The following CCDC3 variants were observed in gnomAD, a reference collection of about 807,000 sequenced individuals.
CCDC3 encodes the protein coiled-coil domain-containing protein 3.
A neutral mutation model predicts 21.4 loss-of-function variants in CCDC3; 24 were observed. That is an observed-to-expected ratio of 1.12 (90% CI 0.81 to 1.58). The LOEUF (loss-of-function observed/expected upper bound fraction) is 1.58, where lower values mean the gene tolerates loss of function less well. CCDC3 is among the 40% of genes most tolerant of loss of function. CCDC3 has a pLI of 0.00. For synonymous variants in CCDC3, 186 were observed against 166.0 expected (o/e 1.12, Z -0.93); for missense variants, 425 against 360.9 (o/e 1.18, Z -1.44).
chr10:13,027,576 T>C (rs906452878), intron 5 of CCDC3, among the ~76,000 whole-genome samples: 3 of 152,216 alleles, frequency 2.0e-5, no homozygotes, highest in Non-Finnish European at 4.4e-5. Flanking sequence ...CAGGGCACAG[T>C]GGCTCATGCC....
At chr10:13,086,172 GAAAC>G (rs1465096797) in intron 3 of CCDC3, among the ~76,000 whole-genome samples, 1 of 152,130 alleles carries the variant, frequency 6.6e-6, no homozygotes, top group African/African-American at 2.4e-5. Flanking sequence ...GCGCATATGA[GAAAC>G]AGAATAATTC....
At chr10:12,976,769 A>G (rs1220738804) in intron 2 of CCDC3, among the ~76,000 whole-genome samples, 1 of 152,234 alleles carries the variant, frequency 6.6e-6, no homozygotes, top group Non-Finnish European at 1.5e-5. Flanking sequence ...GTCCGATACT[A>G]CAGTGGTGGG....
At position 12,999,833 on chromosome 10, in the gene CCDC3, C is replaced by T. The variant is rs1589036089; in HGVS notation, c.375-1321G>A. Among the ~76,000 whole-genome samples the T allele has an allele frequency of 2.6e-5, 4 of 152,270 alleles. No individual in the cohort carries two copies. The South Asian group carries it at 6.2e-4, about 24-fold the overall frequency. On this transcript the variant is annotated intron_variant, in intron 1 of 2. Transcript: ENST00000378825. ...TTATAGATGGTTTCTCAGTATCTTT[C>T]CTAATTAAAAACATGAAACCCTAAG...
At chr10:12,906,530 G>A (rs7917810) in intron 2 of CCDC3, among the ~76,000 whole-genome samples, 65,059 of 151,892 alleles carry the variant, frequency 0.43, 14,929 homozygotes, top group South Asian at 0.56. Context: ...GTGTGGGTAG[G>A]AAGGGGTTTT....
chr10:13,076,489 A>T (rs1564341236), intron 3 of CCDC3, among the ~76,000 whole-genome samples: 1 of 152,254 alleles, frequency 6.6e-6, no homozygotes, highest in Admixed American at 6.5e-5. Context: ...TCTTCCTCAA[A>T]GTTTCCCTTG....
At chr10:13,048,691 C>T (rs369666078) in intron 5 of CCDC3, among the ~76,000 whole-genome samples, 2 of 152,238 alleles carry the variant, frequency 1.3e-5, no homozygotes, top group African/African-American at 4.8e-5. Flanking sequence ...GTTACCTCCA[C>T]AAGCAGATGA....
At chr10:13,097,094 A>C (rs187472915) in intron 3 of CCDC3, among the ~76,000 whole-genome samples, 7 of 152,338 alleles carry the variant, frequency 4.6e-5, no homozygotes, top group African/African-American at 1.7e-4. Context: ...TGGAAAGGGA[A>C]CACAAGGAAC....
chr10:13,065,609 C>G (rs1836812051), intron 4 of CCDC3, among the ~76,000 whole-genome samples: 1 of 152,196 alleles, frequency 6.6e-6, no homozygotes, highest in African/African-American at 2.4e-5. Flanking sequence ...GTTTCCTTCT[C>G]TTCGATATCC....
chr10:13,054,507 G>A (rs1836656908), intron 4 of CCDC3, among the ~76,000 whole-genome samples: 1 of 152,060 alleles, frequency 6.6e-6, no homozygotes, highest in Admixed American at 6.5e-5. Flanking sequence ...GGCAGGAATT[G>A]CATCTCGATG....
At chr10:13,084,287 C>CTTTTTTT (rs61688783) in intron 3 of CCDC3, among the ~76,000 whole-genome samples, 15 of 102,202 alleles carry the variant, frequency 1.5e-4, no homozygotes, top group South Asian at 5.5e-4. Context: ...CTTTTCTTTT[C>CTTTTTTT]TTTTTTTTTT....
At chr10:12,975,267 G>A (rs1004701599) in intron 2 of CCDC3, among the ~76,000 whole-genome samples, 10 of 152,050 alleles carry the variant, frequency 6.6e-5, no homozygotes, top group African/African-American at 2.4e-4. Flanking sequence ...AACACTGAGC[G>A]AGGAGGTGCT....
chr10:13,098,845 T>C (rs1832671005), intron 2 of CCDC3, among the ~76,000 whole-genome samples: 1 of 150,238 alleles, frequency 6.7e-6, no homozygotes. Context: ...GCCTCCCGAG[T>C]AGCTGGGACT....
intron 4 of CCDC3, among the ~76,000 whole-genome samples, chr10:13,064,958 G>A (rs2131435284): frequency 6.6e-6 from 1 of 152,208 alleles, no homozygotes; most frequent in South Asian, 2.1e-4. Flanking sequence ...TTATCTCGGT[G>A]AGCAGAGGGA....
chr10:13,042,709 C>G (rs558452568), intron 5 of CCDC3, among the ~76,000 whole-genome samples: 1 of 151,406 alleles, frequency 6.6e-6, no homozygotes, highest in African/African-American at 2.4e-5. Flanking sequence ...GAGATCGAGA[C>G]CATCCTGGCT....
chr10:12,939,051 TCTCCAGC>T (rs1276579228), intron 2 of CCDC3, among the ~76,000 whole-genome samples: 1 of 152,196 alleles, frequency 6.6e-6, no homozygotes, highest in African/African-American at 2.4e-5. Flanking sequence ...AAATTCAGAA[TCTCCAGC>T]CTCAATTCTG....
At chr10:13,053,502 A>G (rs1836639865) in intron 4 of CCDC3, among the ~76,000 whole-genome samples, 1 of 152,016 alleles carries the variant, frequency 6.6e-6, no homozygotes, top group Non-Finnish European at 1.5e-5. Flanking sequence ...GGCTGCAGTG[A>G]GCTAGATCAC....
chr10:13,084,540 G>A (rs1235746629), intron 3 of CCDC3, among the ~76,000 whole-genome samples: 2 of 152,094 alleles, frequency 1.3e-5, no homozygotes, highest in Non-Finnish European at 2.9e-5. Context: ...ACTCGCCTCG[G>A]CCTCCCAAAG....
rs142772366 is a variant in CCDC3 at position 12,965,826 on chromosome 10, C to T, written c.549+32512G>A. On this transcript the variant is annotated intron_variant, in intron 2 of 2. Coordinates refer to ENST00000378825, the MANE Select transcript of CCDC3 (RefSeq NM_031455.4). Reference sequence around the variant, plus strand: ...TGGCTCAGCCCTAAAGAGAAGGCTTCGTGACATACACACGTTGTAAATGGC... The same window carrying T: ...TGGCTCAGCCCTAAAGAGAAGGCTTTGTGACATACACACGTTGTAAATGGC... 1.4e-3 allele frequency among the ~76,000 whole-genome samples: 216 copies of T among 152,294 alleles called. 1 individual carries two copies. Among genetic ancestry groups the T allele is most frequent in the African/African-American group, 4.7e-3 (195 of 41,558 alleles).
At chr10:13,091,728 A>C (rs1405216814) in intron 3 of CCDC3, among the ~76,000 whole-genome samples, 1 of 151,700 alleles carries the variant, frequency 6.6e-6, no homozygotes, top group African/African-American at 2.4e-5. Context: ...AACCCCTTTT[A>C]AATAACAGAG....
Sources: gnomAD v4.1 joint callset for allele counts (sites outside exome capture counted in the v4.1 genomes callset) on GRCh38, gnomAD v4.1.1 for gene constraint, MANE v1.5 for transcripts, NCBI Gene and HGNC (gene_info 2026-07-23, HGNC 2026-07-21) for gene names.